The following GABBR2 variants were observed in gnomAD, a reference collection of about 807,000 sequenced individuals.
GABBR2 encodes the protein G-protein coupled receptor 51.
Under a neutral mutation model 105.6 loss-of-function variants are expected in GABBR2, and 23 were observed. The observed-to-expected ratio is 0.22, with a 90% confidence interval of 0.16 to 0.31. GABBR2 has a LOEUF of 0.31. GABBR2 is among the 10% of genes least tolerant of loss of function. GABBR2 has a pLI of 1.00. For missense variants in GABBR2, 734 were observed against 1,245.5 expected (o/e 0.59, Z 6.18); for synonymous variants, 478 against 499.7 (o/e 0.96, Z 0.58).
intron 11 of GABBR2, among the ~76,000 whole-genome samples, chr9:98,378,129 T>C (rs913332013): frequency 6.6e-6 from 1 of 152,238 alleles, no homozygotes; most frequent in Non-Finnish European, 1.5e-5. Context: ...AAATGTTTCA[T>C]TAATTCCTAC....
intron 17 of GABBR2, among the ~76,000 whole-genome samples, chr9:98,297,531 T>C (rs1479071820): frequency 6.6e-6 from 1 of 151,940 alleles, no homozygotes; most frequent in African/African-American, 2.4e-5. Context: ...AAGAATTGCT[T>C]GAACTTGGGA....
At chr9:98,371,113 C>T (rs1831773641) in intron 12 of GABBR2, among the ~76,000 whole-genome samples, 1 of 152,116 alleles carries the variant, frequency 6.6e-6, no homozygotes, top group African/African-American at 2.4e-5. Flanking sequence ...CCCCAGGCTG[C>T]CACGGATGGT....
chr9:98,457,427 T>C (rs1319415511), intron 6 of GABBR2, among the ~76,000 whole-genome samples: 3 of 152,046 alleles, frequency 2.0e-5, no homozygotes, highest in African/African-American at 7.2e-5. Context: ...CTTGATATAG[T>C]TTTGTTTTGT....
intron 1 of GABBR2, among the ~76,000 whole-genome samples, chr9:98,600,707 G>T (rs889356929): frequency 1.3e-5 from 2 of 152,202 alleles, no homozygotes; most frequent in Non-Finnish European, 2.9e-5. Context: ...ACTGGGAGCC[G>T]TCCAAGACTC....
intron 11 of GABBR2, among the ~76,000 whole-genome samples, chr9:98,376,504 G>A (rs963449824): frequency 2.0e-5 from 3 of 152,134 alleles, no homozygotes; most frequent in East Asian, 1.9e-4. Context: ...CTCATCCTAG[G>A]TGCTCAATAG....
Position 98,362,712 on chromosome 9 carries a change from T to C in GABBR2, c.1893+3A>G. On this transcript the variant is annotated splice_donor_region_variant and intron_variant, in intron 13 of 18. Transcript: ENST00000259455. ...TTCCCTCCTGCCGGCATGGAGGGCTTACCTCCATGCTGTACTTCTCCACTG... is the reference window on the plus strand; with the variant it reads ...TTCCCTCCTGCCGGCATGGAGGGCTCACCTCCATGCTGTACTTCTCCACTG... 1 of 1,554,590 alleles carries C rather than the reference T, an allele frequency of 6.4e-7. No individual in the cohort carries two copies. The highest frequency in any genetic ancestry group is 8.7e-7 in the Non-Finnish European group (1 of 1,153,730).
Position 98,551,484 on chromosome 9 carries a change from T to C in GABBR2, c.460-9441A>G, listed in dbSNP as rs190779524. Reference sequence around the variant, plus strand: ...TAGAAATTATGATCCATTTTATACCTGAAAAAACTGTGGCCCAGAAAGGTC... The same window carrying C: ...TAGAAATTATGATCCATTTTATACCCGAAAAAACTGTGGCCCAGAAAGGTC... On this transcript the variant is annotated intron_variant, in intron 2 of 18. Coordinates refer to ENST00000259455, the MANE Select transcript of GABBR2 (RefSeq NM_005458.8). Among the ~76,000 whole-genome samples, 16 of 152,290 alleles carry C rather than the reference T, an allele frequency of 1.1e-4. No individual in the cohort carries two copies. In the East Asian group the frequency reaches 2.9e-3, roughly 28 times the overall value.
intron 7 of GABBR2, among the ~76,000 whole-genome samples, chr9:98,415,950 TAG>T (rs1374097639): frequency 2.0e-5 from 3 of 152,106 alleles, no homozygotes; most frequent in Non-Finnish European, 4.4e-5. Flanking sequence ...GACCTTGGGC[TAG>T]AGGGATGGTG....
chr9:98,577,354 T>C (rs905399854), intron 2 of GABBR2, among the ~76,000 whole-genome samples: 4 of 152,318 alleles, frequency 2.6e-5, no homozygotes, highest in African/African-American at 7.2e-5. Flanking sequence ...ACTGTATATA[T>C]GTTGGTGGAG....
intron 13 of GABBR2, among the ~76,000 whole-genome samples, chr9:98,353,518 A>T (rs1439155414): frequency 6.6e-6 from 1 of 152,192 alleles, no homozygotes; most frequent in East Asian, 1.9e-4. Context: ...CTTTGCCCAG[A>T]TCCATCAGAG....
intron 3 of GABBR2, among the ~76,000 whole-genome samples, chr9:98,500,380 G>T (rs1156548661): frequency 6.6e-6 from 1 of 152,192 alleles, no homozygotes; most frequent in Non-Finnish European, 1.5e-5. Context: ...GGGTAATGAT[G>T]GGCAGGGGAG....
At chr9:98,491,098 G>A (rs1385102853) in intron 4 of GABBR2, among the ~76,000 whole-genome samples, 12 of 151,872 alleles carry the variant, frequency 7.9e-5, no homozygotes, top group Non-Finnish European at 1.8e-4. Flanking sequence ...TTTTTAACAG[G>A]CTTTTCTTTC....
At chr9:98,509,247 G>C (rs1827583677) in intron 3 of GABBR2, among the ~76,000 whole-genome samples, 3 of 152,064 alleles carry the variant, frequency 2.0e-5, no homozygotes, top group Admixed American at 1.3e-4. Flanking sequence ...AGAAAGGAAA[G>C]CCACACCAAA....
chr9:98,677,340 G>T (rs1044116284), intron 1 of GABBR2, among the ~76,000 whole-genome samples: 1 of 152,212 alleles, frequency 6.6e-6, no homozygotes, highest in Non-Finnish European at 1.5e-5. Flanking sequence ...AGTCAAAAGC[G>T]AAGAGCCCTG....
In GABBR2 at chr9:98,542,054, C is replaced by A; in HGVS notation, c.460-11G>T. The A allele has an allele frequency of 6.2e-7, 1 of 1,612,714 alleles. No homozygotes were observed. Among genetic ancestry groups the A allele is most frequent in the South Asian group, 1.1e-5 (1 of 90,944 alleles). ...TGCAGCAAAAGAAAGCTGAAAAACA[C>A]AAAAGAGACAACGCTTTTTACTGAT... On this transcript the variant is annotated splice_polypyrimidine_tract_variant and intron_variant, in intron 2 of 18. Coordinates refer to ENST00000259455, the MANE Select transcript of GABBR2 (RefSeq NM_005458.8).
At chr9:98,513,796 T>G (rs1412185544) in intron 3 of GABBR2, among the ~76,000 whole-genome samples, 3 of 152,160 alleles carry the variant, frequency 2.0e-5, no homozygotes, top group Admixed American at 1.3e-4. Context: ...GGAACACTTT[T>G]ACACTGTTGG....
intron 7 of GABBR2, among the ~76,000 whole-genome samples, chr9:98,420,776 G>C (rs1832769422): frequency 6.6e-6 from 1 of 152,216 alleles, no homozygotes; most frequent in Admixed American, 6.5e-5. Flanking sequence ...GATGGTGAGA[G>C]TGTACCAGGA....
At chr9:98,478,756 T>G (rs1470817697) in intron 5 of GABBR2, among the ~76,000 whole-genome samples, 1 of 152,220 alleles carries the variant, frequency 6.6e-6, no homozygotes, top group Non-Finnish European at 1.5e-5. Context: ...GGCTTTGATT[T>G]GGCTTAAATC....
chr9:98,585,492 A>C, intron 1 of GABBR2, among the ~76,000 whole-genome samples: 1 of 107,286 alleles, frequency 9.3e-6, no homozygotes. Flanking sequence ...GGACTGGCGT[A>C]GGGTGGGGGG....
Sources: allele counts gnomAD v4.1 joint callset (sites outside exome capture counted in the v4.1 genomes callset), GRCh38; gene constraint gnomAD v4.1.1; transcripts MANE v1.5; gene names NCBI Gene and HGNC (gene_info 2026-07-23, HGNC 2026-07-21).